ERICH6B: variants seen among roughly 807,000 people sequenced by gnomAD.
ERICH6B encodes glutamate rich 6B.
Under a neutral mutation model 80.0 loss-of-function variants are expected in ERICH6B, and 69 were observed. The ratio of observed to expected loss-of-function variants is 0.86; its 90% CI spans 0.71 to 1.05. The LOEUF is 1.05. ERICH6B is among the 50% of genes least tolerant of loss of function. The pLI is 0.00. For synonymous variants in ERICH6B, 283 were observed against 291.9 expected, an observed-to-expected ratio of 0.97 and a Z score of 0.31; for missense variants, 754 against 796.1, an observed-to-expected ratio of 0.95 and a Z score of 0.64.
intron 2 of ERICH6B, among the ~76,000 whole-genome samples, chr13:45,599,889 A>G (rs1949815818): frequency 6.6e-6 from 1 of 152,236 alleles, no homozygotes; most frequent in South Asian, 2.1e-4. Context: ...ACAGTTAAGA[A>G]GCAGCGGAGA....
At chr13:45,615,524 A>G (rs937949441) in intron 1 of ERICH6B, among the ~76,000 whole-genome samples, 161 bp downstream of exon 1, 2 of 152,178 alleles carry the variant, frequency 1.3e-5, no homozygotes, top group African/African-American at 4.8e-5. Flanking sequence ...AGAAACAAAG[A>G]AGTCTATGTA....
intron 9 of ERICH6B, among the ~76,000 whole-genome samples, chr13:45,564,609 T>C (rs1476281851): frequency 6.6e-6 from 1 of 152,240 alleles, no homozygotes; most frequent in East Asian, 1.9e-4. Flanking sequence ...CACAGAGCAA[T>C]GGTTCCCTTA....
chr13:45,598,780 G>A (rs1949805070), intron 2 of ERICH6B, among the ~76,000 whole-genome samples: 1 of 152,180 alleles, frequency 6.6e-6, no homozygotes, highest in African/African-American at 2.4e-5. Context: ...TGGTCAACAG[G>A]TGGCCCCCAG....
intron 8 of ERICH6B, among the ~76,000 whole-genome samples, chr13:45,572,356 A>T (rs1466707027): frequency 6.6e-6 from 1 of 152,084 alleles, no homozygotes; most frequent in Non-Finnish European, 1.5e-5. Flanking sequence ...CCTCCAATTC[A>T]TCATCCACAA....
At chr13:45,586,434 G>A (rs901348303) in intron 5 of ERICH6B, among the ~76,000 whole-genome samples, 4 of 152,060 alleles carry the variant, frequency 2.6e-5, no homozygotes, top group Non-Finnish European at 5.9e-5. Context: ...AATGCTATTC[G>A]GTCTTCCACC....
chr13:45,607,114 T>C (rs982896385), intron 2 of ERICH6B, among the ~76,000 whole-genome samples: 1 of 152,148 alleles, frequency 6.6e-6, no homozygotes. Context: ...ACATGTAAAC[T>C]TTTACAATAA....
chr13:45,561,309 C>G, intron 11 of ERICH6B, 60 bp downstream of exon 11: 3 of 1,520,556 alleles, frequency 2.0e-6, no homozygotes, highest in Non-Finnish European at 2.7e-6. Flanking sequence ...ATGCACACCT[C>G]ACCAGAGCCA....
chr13:45,550,642 G>C (rs989575117), intron 11 of ERICH6B, among the ~76,000 whole-genome samples: 1 of 152,220 alleles, frequency 6.6e-6, no homozygotes, highest in South Asian at 2.1e-4. Flanking sequence ...TATTGTGGAG[G>C]CTGGAAGTCT....
intron 2 of ERICH6B, among the ~76,000 whole-genome samples, chr13:45,606,545 ATATTTTTTTTT>A (rs1949866840): frequency 1.6e-4 from 2 of 12,774 alleles, no homozygotes; most frequent in Non-Finnish European, 2.0e-4. Flanking sequence ...ATATATATAT[ATATTTTTTTTT>A]TTTTTTTTTT....
rs144518034 is a variant in ERICH6B, at chr13:45,587,102, G to T, written c.817C>A (p.Gln273Lys). ...ELLLTLYRRS[Q>K]ASQTDWCYDR... ...TAGCACCAGTCTGTCTGACTGGCCT[G>T]GCTCCTCCTGTACAATGTCAGAAGC... The change falls in exon 5 of 15, where the codon CAG (glutamine) becomes AAG (lysine). Residue 273 changes from glutamine to lysine, a missense_variant. Transcript: ENST00000298738. 91 of 1,551,714 alleles carry T rather than the reference G, an allele frequency of 5.9e-5. No individual in the cohort carries two copies. The African/African-American group carries it at 1.1e-3, about 19-fold the overall frequency.
intron 2 of ERICH6B, among the ~76,000 whole-genome samples, chr13:45,600,590 G>A (rs1949820807): frequency 6.6e-6 from 1 of 152,152 alleles, no homozygotes; most frequent in Admixed American, 6.5e-5. Context: ...ACTCAGAAGT[G>A]AGAGTACGTG....
At chr13:45,594,438 C>T (rs76007316) in intron 3 of ERICH6B, among the ~76,000 whole-genome samples, 1 of 152,176 alleles carries the variant, frequency 6.6e-6, no homozygotes, top group African/African-American at 2.4e-5. Context: ...GTTAAGAATG[C>T]TTGATTCATA....
chr13:45,546,334 T>C (rs1412692612), intron 13 of ERICH6B, among the ~76,000 whole-genome samples: 1 of 152,118 alleles, frequency 6.6e-6, no homozygotes, highest in Admixed American at 6.5e-5. Flanking sequence ...GGGAATCACA[T>C]GAAGAAAGGA....
chr13:45,554,683 T>G (rs1322181112), intron 11 of ERICH6B, among the ~76,000 whole-genome samples: 1 of 152,246 alleles, frequency 6.6e-6, no homozygotes, highest in Non-Finnish European at 1.5e-5. Flanking sequence ...CTGAAGCTCG[T>G]CAGCATTTGC....
At chr13:45,585,416 GCCAGA>G (rs1365794201) in intron 5 of ERICH6B, among the ~76,000 whole-genome samples, 2 of 152,112 alleles carry the variant, frequency 1.3e-5, no homozygotes, top group Non-Finnish European at 2.9e-5. Context: ...CGTTCTGTTG[GCCAGA>G]CACAATCATA....
intron 13 of ERICH6B, among the ~76,000 whole-genome samples, chr13:45,549,130 A>G (rs1016226652): frequency 6.6e-6 from 1 of 152,116 alleles, no homozygotes; most frequent in African/African-American, 2.4e-5. Flanking sequence ...CTAAAAATAC[A>G]TAAACTAGCT....
chr13:45,606,557 T>A (rs1370071580), intron 2 of ERICH6B, among the ~76,000 whole-genome samples: 180 of 81,174 alleles, frequency 2.2e-3, no homozygotes, highest in Non-Finnish European at 3.7e-3. Flanking sequence ...ATTTTTTTTT[T>A]TTTTTTTTTT....
intron 7 of ERICH6B, 101 bp downstream of exon 7, chr13:45,579,832 A>G: frequency 8.5e-7 from 1 of 1,170,626 alleles, no homozygotes. Context: ...GCCCTGGGTC[A>G]TGCTGGATCA....
At position 45,549,918 on chromosome 13, in the gene ERICH6B, A is replaced by C; in HGVS notation, c.1621T>G (p.Phe541Val). The C allele has an allele frequency of 6.4e-7, 1 of 1,551,400 alleles. No individual in the cohort carries two copies. Among genetic ancestry groups the C allele is most frequent in the Non-Finnish European group, 8.7e-7 (1 of 1,146,938 alleles). Reference sequence around the variant, plus strand: ...CAGATATCACTATTTTCATCATAGAAGGTAGCATTGCCTGAGTTGTTGATA... The same window carrying C: ...CAGATATCACTATTTTCATCATAGACGGTAGCATTGCCTGAGTTGTTGATA... ...ALINNSGNAT[F>V]YDENSDIWLN... The change falls in exon 13 of 15, where the codon TTC becomes GTC. Residue 541 changes from phenylalanine (F) to valine (V), a missense_variant. Phe to Val is a conservative substitution (Grantham distance 50). Transcript: ENST00000298738.
Sources: allele counts gnomAD v4.1 joint callset (sites outside exome capture counted in the v4.1 genomes callset), GRCh38; gene constraint gnomAD v4.1.1; transcripts MANE v1.5; gene names NCBI Gene and HGNC (gene_info 2026-07-23, HGNC 2026-07-21).